The following NOVA1 variants were observed in gnomAD, a reference collection of about 807,000 sequenced individuals.
The protein encoded by NOVA1 is NOVA alternative splicing regulator 1.
NOVA1 carries 7 observed loss-of-function variants against 38.0 expected under a neutral mutation model. The ratio of observed to expected loss-of-function variants is 0.18; its 90% CI spans 0.10 to 0.35. NOVA1 has a LOEUF of 0.35. Ranked by LOEUF, NOVA1 falls within the 10% of genes least tolerant of loss-of-function variation. The probability of loss-of-function intolerance (pLI) is 1.00; values close to 1 mark genes in which losing one functional copy is unlikely to be tolerated. For synonymous variants in NOVA1, 270 were observed against 232.5 expected, an observed-to-expected ratio of 1.16 and a Z score of -1.47; for missense variants, 460 against 616.0, an observed-to-expected ratio of 0.75 and a Z score of 2.68.
rs545532981 is a variant in NOVA1 at position 26,494,606 on chromosome 14, C to T, written c.281-14463G>A. On this transcript the variant is annotated intron_variant, in intron 2 of 4. Transcript: ENST00000539517. ...TTCATGTAGTGACTTCCATTAACCA[C>T]TTCCTCCTTATGGAAATAGTTTCCT... Among the ~76,000 whole-genome samples the T allele has an allele frequency of 2.9e-4, 44 of 152,258 alleles. No homozygotes were observed. The South Asian group carries it at 6.8e-3, about 24-fold the overall frequency.
rs1882288796 is a variant in NOVA1, at chr14:26,448,398, A to G, written c.1085T>C (p.Leu362Ser). The G allele has an allele frequency of 6.2e-7, 1 of 1,612,924 alleles. No individual in the cohort carries two copies. Among genetic ancestry groups the G allele is most frequent in the Non-Finnish European group, 8.5e-7 (1 of 1,179,826 alleles). Residue 362 changes from leucine to serine, a missense_variant, in exon 5 of 5, where the codon TTG (leucine) becomes TCG (serine). Physicochemically the swap from Leu to Ser is moderately radical, Grantham distance 145 (BLOSUM62 -2). Transcript: ENST00000539517. The surrounding 1 kb of genome is among the most constrained non-coding windows in gnomAD (Gnocchi z 5.3). ...TGAGGCTTCACTGGCATAGGTGGCC[A>G]ATAAATTGGCTGCTGCTGCTGCTGG... ...ANPAAAAANL[L>S]ATYASEASAS...
intron 4 of NOVA1, among the ~76,000 whole-genome samples, chr14:26,450,302 G>A (rs565525525): frequency 1.3e-5 from 2 of 152,036 alleles, no homozygotes; most frequent in East Asian, 3.9e-4. Context: ...AGGCAATTTT[G>A]TTCTGGAAGG....
chr14:26,522,182 T>G lies in NOVA1; in HGVS notation c.281-42039A>C, dbSNP rs145332444. 9.9e-5 allele frequency among the ~76,000 whole-genome samples: 15 copies of G among 152,242 alleles called. No individual in the cohort carries two copies. The East Asian group carries it at 2.9e-3, about 29-fold the overall frequency. On this transcript the variant is annotated intron_variant, in intron 2 of 4. Coordinates refer to ENST00000539517, the MANE Select transcript of NOVA1 (RefSeq NM_002515.3). ...TTATAATAGATTTTTCTCTTAATAT[T>G]TGCTTTTAGCAGGCCATTATATTGC...
Position 26,555,298 on chromosome 14 carries a change from A to C in NOVA1, c.280+40112T>G, listed in dbSNP as rs976974711. Among the ~76,000 whole-genome samples the C allele has an allele frequency of 7.2e-5, 11 of 152,128 alleles. No individual in the cohort carries two copies. The East Asian group carries it at 1.2e-3, about 16-fold the overall frequency. The stretch of plus-strand genomic sequence containing the variant: ...CTTAAAAATCAGGCAATTCCTTTTA[A>C]ATAAATTAAGGTATCAGTATTTTAC... On this transcript the variant is annotated intron_variant, in intron 2 of 4. Transcript: ENST00000539517.
chr14:26,444,649 A>G lies in NOVA1; in HGVS notation c.*3310T>C, dbSNP rs907138556. ...GAGAAAATGACTTCCACAGAAATAG[A>G]TACATTTAACTGTTTCAGGAGTGGG... On this transcript the variant is annotated 3_prime_UTR_variant, in exon 5 of 5. Coordinates refer to ENST00000539517, the MANE Select transcript of NOVA1 (RefSeq NM_002515.3). 2.6e-5 allele frequency: 4 copies of G among 152,138 alleles called. No individual in the cohort carries two copies. Among genetic ancestry groups the G allele is most frequent in the Admixed American group, 1.3e-4 (2 of 15,254 alleles). The allele number at this position is 152,138 out of a possible 1,614,324, so 9.4% of individuals were successfully genotyped here.
At chr14:26,505,439 G>C (rs539697773) in intron 2 of NOVA1, among the ~76,000 whole-genome samples, 22 of 152,146 alleles carry the variant, frequency 1.4e-4, no homozygotes, top group South Asian at 1.0e-3. Flanking sequence ...GTAAAGATGT[G>C]CCTTGCTTCC....
chr14:26,552,755 A>G (rs1423593262), intron 2 of NOVA1, among the ~76,000 whole-genome samples: 7 of 152,196 alleles, frequency 4.6e-5, no homozygotes, highest in Admixed American at 6.5e-5. Flanking sequence ...TAAACCAAAA[A>G]TAAAGCAAGT....
At chr14:26,488,901 T>C (rs947021374) in intron 2 of NOVA1, among the ~76,000 whole-genome samples, 1 of 152,160 alleles carries the variant, frequency 6.6e-6, no homozygotes, top group East Asian at 1.9e-4. Flanking sequence ...GAATTCACTT[T>C]TGCAAAGCTT....
At chr14:26,557,938 A>T (rs1186870481) in intron 2 of NOVA1, among the ~76,000 whole-genome samples, 2 of 151,966 alleles carry the variant, frequency 1.3e-5, no homozygotes, top group Non-Finnish European at 2.9e-5. Context: ...CGATTAAAAG[A>T]CATGAGCTAA....
intron 2 of NOVA1, among the ~76,000 whole-genome samples, chr14:26,493,184 T>TA (rs1886487830): frequency 6.6e-6 from 1 of 152,140 alleles, no homozygotes. Flanking sequence ...CAGAATATCT[T>TA]AAGAGTTATA....
intron 2 of NOVA1, among the ~76,000 whole-genome samples, chr14:26,543,266 G>A (rs1472979864): frequency 6.6e-6 from 1 of 151,722 alleles, no homozygotes; most frequent in Non-Finnish European, 1.5e-5. Flanking sequence ...TTTGGAACAA[G>A]GAGAAAAATA....
intron 2 of NOVA1, among the ~76,000 whole-genome samples, chr14:26,543,899 T>G (rs1040333181): frequency 6.6e-6 from 1 of 151,872 alleles, no homozygotes; most frequent in Non-Finnish European, 1.5e-5. Flanking sequence ...ACCTTTCAAA[T>G]AAAAACTATA....
intron 2 of NOVA1, among the ~76,000 whole-genome samples, chr14:26,590,870 C>A (rs1893802297): frequency 6.6e-6 from 1 of 151,660 alleles, no homozygotes; most frequent in Non-Finnish European, 1.5e-5. Flanking sequence ...TTCAAAGTAG[C>A]ATTATGTATA....
rs1392552272 is a variant in NOVA1 at position 26,562,870 on chromosome 14, T to A, written c.280+32540A>T. Among the ~76,000 whole-genome samples the A allele has an allele frequency of 2.0e-5, 3 of 152,238 alleles. No individual in the cohort carries two copies. The East Asian group carries it at 5.8e-4, about 29-fold the overall frequency. ...CCCAGAAATGTTCCTGAACTACAAC[T>A]ACCAGGCAAAACAGAGAGGAGTCAA... is the stretch of plus-strand genomic sequence containing the variant. On this transcript the variant is annotated intron_variant, in intron 2 of 4. Transcript: ENST00000539517.
At chr14:26,596,464 AC>A (rs1446704190) in intron 1 of NOVA1, 3 of 1,053,120 alleles carry the variant, frequency 2.8e-6, no homozygotes, top group Non-Finnish European at 3.9e-6. Flanking sequence ...TACAGGAGAC[AC>A]CCCGGTAAAT....
intron 2 of NOVA1, among the ~76,000 whole-genome samples, chr14:26,514,539 C>T (rs961257919): frequency 2.6e-5 from 4 of 151,812 alleles, no homozygotes; most frequent in African/African-American, 7.2e-5. Flanking sequence ...TTTTTAAGTA[C>T]GTAATGCTTA....
chr14:26,482,492 C>A (rs947025598), intron 2 of NOVA1, among the ~76,000 whole-genome samples: 14 of 151,884 alleles, frequency 9.2e-5, no homozygotes, highest in African/African-American at 3.4e-4. Flanking sequence ...AAAAAATGAG[C>A]CTATAAATCA....
chr14:26,595,714 T>C lies in NOVA1; in HGVS notation c.137-161A>G, dbSNP rs74040223. 5.0e-3 allele frequency: 2,826 copies of C among 569,256 alleles called. 46 individuals are homozygous for C. Among genetic ancestry groups the C allele is most frequent in the African/African-American group, 0.044 (2,305 of 52,930 alleles). 35.3% of individuals were successfully genotyped at this position (569,256 alleles called of 1,614,324 possible). A position where few individuals can be genotyped will look rare whatever the true frequency, so the allele number is the denominator to read the frequency against. On this transcript the variant is annotated intron_variant, in intron 1 of 4. Coordinates refer to ENST00000539517, the MANE Select transcript of NOVA1 (RefSeq NM_002515.3). ...TGAGAATGAAAATAAGCCAATTACA[T>C]TGAAAAACAAACAGGTACAAAATGT...
At chr14:26,510,970 ATTAT>A (rs1485181122) in intron 2 of NOVA1, among the ~76,000 whole-genome samples, 2 of 152,330 alleles carry the variant, frequency 1.3e-5, no homozygotes, top group South Asian at 2.1e-4. Context: ...CAATAAACAG[ATTAT>A]TTAAGAAAAT....
Sources: gnomAD v4.1 joint callset for allele counts (sites outside exome capture counted in the v4.1 genomes callset) on GRCh38, gnomAD v4.1.1 for gene constraint, Gnocchi (gnomAD v3.1) non-coding constraint, MANE v1.5 for transcripts, NCBI Gene and HGNC (gene_info 2026-07-23, HGNC 2026-07-21) for gene names.